TNKS: variants seen among roughly 807,000 people sequenced by gnomAD.
TNKS encodes tankyrase.
Under a neutral mutation model 135.8 loss-of-function variants are expected in TNKS, and 72 were observed. The ratio of observed to expected loss-of-function variants is 0.53; its 90% CI spans 0.44 to 0.64. TNKS has a LOEUF of 0.64. Among genes scored for constraint, TNKS ranks in the 30% least tolerant of loss-of-function variants. The pLI is 0.00. For missense variants in TNKS, 1,769 were observed against 1,674.0 expected, an observed-to-expected ratio of 1.06 and a Z score of -0.99; for synonymous variants, 849 against 649.3, an observed-to-expected ratio of 1.31 and a Z score of -4.68.
At chr8:9,698,314 G>A (rs1331465668) in intron 5 of TNKS, among the ~76,000 whole-genome samples, 1 of 133,860 alleles carries the variant, frequency 7.5e-6, no homozygotes, top group Non-Finnish European at 1.5e-5. Context: ...CTTGACTGCA[G>A]TATACCCATG....
intron 5 of TNKS, among the ~76,000 whole-genome samples, chr8:9,695,331 T>C (rs556527901): frequency 6.6e-6 from 1 of 152,310 alleles, no homozygotes; most frequent in South Asian, 2.1e-4. Flanking sequence ...TGAAATTAAA[T>C]ATTCATATTT....
intron 22 of TNKS, 134 bp from the exon 23 acceptor site, chr8:9,764,582 A>ATACT (rs760390727): frequency 2.0e-6 from 1 of 507,348 alleles, no homozygotes; most frequent in Non-Finnish European, 3.3e-6. Flanking sequence ...CTCACCAAAA[A>ATACT]TACTTATCCA....
intron 26 of TNKS, among the ~76,000 whole-genome samples, chr8:9,775,868 A>C (rs1163325820): frequency 6.6e-6 from 1 of 151,946 alleles, no homozygotes; most frequent in East Asian, 1.9e-4. Context: ...GTCATGTTAT[A>C]GTTAGGGCTG....
intron 8 of TNKS, among the ~76,000 whole-genome samples, chr8:9,707,260 A>G (rs1364704682): frequency 6.6e-6 from 1 of 152,218 alleles, no homozygotes; most frequent in Admixed American, 6.5e-5. Context: ...AATGAGGATG[A>G]GTCAATCAGC....
At chr8:9,740,431 C>T (rs371431676) in intron 17 of TNKS, among the ~76,000 whole-genome samples, 4 of 152,148 alleles carry the variant, frequency 2.6e-5, no homozygotes, top group African/African-American at 7.2e-5. Flanking sequence ...TTCCTCCTAC[C>T]GCCTTCTCCC....
intron 26 of TNKS, 142 bp from the exon 27 acceptor site, chr8:9,776,508 A>T: frequency 1.5e-6 from 1 of 661,998 alleles, no homozygotes; most frequent in Non-Finnish European, 2.6e-6. Flanking sequence ...GTGAACCTCA[A>T]ATTGTTCAGG....
At position 9,751,655 on chromosome 8, in the gene TNKS, C is replaced by T. The variant is rs768079628; in HGVS notation, c.2879C>T (p.Ala960Val). 26 of 1,614,092 alleles carry T rather than the reference C, an allele frequency of 1.6e-5. 1 individual carries two copies. The highest frequency in any genetic ancestry group is 1.6e-4 in the Middle Eastern group (1 of 6,084). ...CTGATAGATGCCATGCCCCCAGAGGCCTTACCTACCTGTTTTAAACCTCAG... is the reference window on the plus strand; with the variant it reads ...CTGATAGATGCCATGCCCCCAGAGGTCTTACCTACCTGTTTTAAACCTCAG... ...ALLIDAMPPE[A>V]LPTCFKPQAT... Residue 960 changes from alanine to valine, a missense_variant, in exon 19 of 27, where the codon GCC becomes GTC. Around this residue, in one of 5 missense-constraint regions of TNKS, gnomAD observed 722 missense variants for 688.9 expected, o/e 1.05. Transcript: ENST00000310430.
chr8:9,661,031 G>A (rs1190860199), intron 3 of TNKS, among the ~76,000 whole-genome samples: 5 of 151,350 alleles, frequency 3.3e-5, no homozygotes, highest in South Asian at 4.2e-4. Flanking sequence ...TACAAGGGAC[G>A]TGAAGGACCT....
At chr8:9,688,039 TG>T (rs1471786577) in intron 5 of TNKS, among the ~76,000 whole-genome samples, 1 of 152,224 alleles carries the variant, frequency 6.6e-6, no homozygotes, top group Non-Finnish European at 1.5e-5. Flanking sequence ...AGACAGCTTC[TG>T]TGGTATTGCC....
rs189827633 is a variant in TNKS at position 9,606,525 on chromosome 8, C to T, written c.899-9057C>T. ...TGAGTCCTTCAACTTTTTAGTTCCA[C>T]AGTTTCCCACTTGATTATCAGAGTA... On this transcript the variant is annotated intron_variant, in intron 2 of 26. Coordinates refer to ENST00000310430, the MANE Select transcript of TNKS (RefSeq NM_003747.3). Among the ~76,000 whole-genome samples the T allele has an allele frequency of 2.0e-5, 3 of 152,224 alleles. No individual in the cohort carries two copies. In the East Asian group the frequency reaches 5.8e-4, roughly 29 times the overall value.
chr8:9,668,989 CTAAT>C (rs1802136238), intron 3 of TNKS, among the ~76,000 whole-genome samples: 2 of 151,826 alleles, frequency 1.3e-5, no homozygotes, highest in South Asian at 2.1e-4. Flanking sequence ...GGAGAATAAA[CTAAT>C]TAAAGCAGAA....
At chr8:9,721,727 C>CT (rs1804890035) in intron 12 of TNKS, among the ~76,000 whole-genome samples, 1 of 152,042 alleles carries the variant, frequency 6.6e-6, no homozygotes, top group African/African-American at 2.4e-5. Flanking sequence ...TATGACCTAA[C>CT]TGTATAGGTA....
intron 20 of TNKS, among the ~76,000 whole-genome samples, chr8:9,760,775 C>T (rs73204664): frequency 0.012 from 1,840 of 152,150 alleles, 18 homozygotes; most frequent in Middle Eastern, 0.041. Context: ...CTCCATTTTA[C>T]AAGGATGAAT....
intron 12 of TNKS, chr8:9,722,554 C>CAAAAA (rs6150459): frequency 2.8e-5 from 4 of 143,204 alleles, no homozygotes; most frequent in South Asian, 2.2e-4. Context: ...AGCTTGAACT[C>CAAAAA]AAAAAAAAAA....
chr8:9,566,456 T>C (rs1272357686), intron 1 of TNKS: 1 of 152,138 alleles, frequency 6.6e-6, no homozygotes, highest in Non-Finnish European at 1.5e-5. Context: ...ATAATTTCAT[T>C]ATTTAATTCA....
intron 2 of TNKS, among the ~76,000 whole-genome samples, chr8:9,610,540 G>C (rs557578601): frequency 1.3e-5 from 2 of 151,920 alleles, no homozygotes; most frequent in Admixed American, 1.3e-4. Context: ...TACATTGAAG[G>C]CTGTACTGTA....
chr8:9,576,528 T>G (rs1429923200), intron 1 of TNKS, among the ~76,000 whole-genome samples: 2 of 146,436 alleles, frequency 1.4e-5, no homozygotes, highest in African/African-American at 5.1e-5. Context: ...TGGAGTGCAG[T>G]GGGGCGATCT....
In TNKS at chr8:9,765,949, C is replaced by CT. The variant is rs138933782; in HGVS notation, c.3553+155dup. The CT allele has an allele frequency of 5.9e-5, 39 of 660,272 alleles. No individual in the cohort carries two copies. The East Asian group carries it at 9.6e-4, about 16-fold the overall frequency. The allele number at this position is 660,272 out of a possible 1,614,324, so 40.9% of individuals were successfully genotyped here. On this transcript the variant is annotated intron_variant, in intron 24 of 26. Transcript: ENST00000310430. ...TCAAATAATTACTTCTTGGTACCAG[C>CT]TTTCTAATGTATCACACATCAGTAC...
chr8:9,574,316 C>T (rs1371100970), intron 1 of TNKS, among the ~76,000 whole-genome samples: 4 of 152,148 alleles, frequency 2.6e-5, no homozygotes, highest in Non-Finnish European at 4.4e-5. Flanking sequence ...CCTCAACTGG[C>T]GCCTCTAAAA....
Sources: gnomAD v4.1 joint callset for allele counts (sites outside exome capture counted in the v4.1 genomes callset) on GRCh38, gnomAD v4.1.1 for gene constraint, gnomAD v4.1.1 regional missense constraint, MANE v1.5 for transcripts, NCBI Gene and HGNC (gene_info 2026-07-23, HGNC 2026-07-21) for gene names.